The following RASGEF1C variants were observed in gnomAD, a reference collection of about 807,000 sequenced individuals.
RASGEF1C encodes ras-GEF domain-containing family member 1C.
RASGEF1C carries 27 observed loss-of-function variants against 58.1 expected under a neutral mutation model. The ratio of observed to expected loss-of-function variants is 0.46; its 90% CI spans 0.34 to 0.64. RASGEF1C has a LOEUF of 0.64. Ranked by LOEUF, RASGEF1C falls within the 30% of genes least tolerant of loss-of-function variation. RASGEF1C has a pLI of 0.01. For missense variants in RASGEF1C, 502 were observed against 605.1 expected (o/e 0.83, Z 1.79); for synonymous variants, 243 against 246.3 (o/e 0.99, Z 0.13).
intron 1 of RASGEF1C, among the ~76,000 whole-genome samples, chr5:180,190,825 G>A (rs912031436): frequency 3.3e-5 from 5 of 152,148 alleles, no homozygotes; most frequent in African/African-American, 1.2e-4. Context: ...AGTTGATGAA[G>A]TGGACTTAAT....
chr5:180,149,141 G>A (rs1487773041), intron 1 of RASGEF1C, among the ~76,000 whole-genome samples: 14 of 136,836 alleles, frequency 1.0e-4, no homozygotes, highest in Non-Finnish European at 1.8e-4. Context: ...AGGCTGGAGT[G>A]CAATGGCACA....
At chr5:180,102,004 C>T (rs79323422) in intron 13 of RASGEF1C, 67 bp downstream of exon 13, 107 of 810,662 alleles carry the variant, frequency 1.3e-4, no homozygotes, top group African/African-American at 9.2e-4. Flanking sequence ...CACCTCGGCG[C>T]GAAGACTCAC....
At chr5:180,135,023 C>G (rs893943988) in intron 4 of RASGEF1C, among the ~76,000 whole-genome samples, 1 of 137,820 alleles carries the variant, frequency 7.3e-6, no homozygotes, top group Non-Finnish European at 1.5e-5. Flanking sequence ...AGCCAGCACC[C>G]CATCCCGTTT....
chr5:180,204,008 A>AAACAACAAC (rs57771575), intron 1 of RASGEF1C, among the ~76,000 whole-genome samples: 5 of 140,842 alleles, frequency 3.6e-5, no homozygotes, highest in Non-Finnish European at 8.0e-5. Flanking sequence ...ACAAACAAAC[A>AAACAACAAC]AACAACAACA....
chr5:180,186,653 C>CT (rs1405313995), intron 1 of RASGEF1C, among the ~76,000 whole-genome samples: 39 of 152,062 alleles, frequency 2.6e-4, no homozygotes, highest in East Asian at 5.8e-4. Flanking sequence ...TTCCAACAGC[C>CT]TTTTTTTTCA....
At position 180,136,459 on chromosome 5, in the gene RASGEF1C, C is replaced by T; in HGVS notation, c.357G>A (p.Glu119=). Reference sequence around the variant, plus strand: ...CTTCCTGGAAGTCCCTTGGGAAGGTCTCGGTCCACTCGGCCAACAGCTGCA... The same window carrying T: ...CTTCCTGGAAGTCCCTTGGGAAGGTTTCGGTCCACTCGGCCAACAGCTGCA... The part of the protein sequence containing the change: ...KLLQLLAEWT[E]TFPRDFQEES... The change falls in exon 4 of 14, where the codon GAG becomes GAA. Residue 119 remains glutamate (E), a synonymous_variant. Transcript: ENST00000361132. 4.5e-6 allele frequency: 7 copies of T among 1,560,996 alleles called. No individual in the cohort carries two copies. The Middle Eastern group carries it at 1.2e-3, about 260-fold the overall frequency.
chr5:180,186,101 G>GAAAAAAAAAAAAAAAAAA lies in RASGEF1C; in HGVS notation c.-7+22909_-7+22926dup, dbSNP rs35778456. Among the ~76,000 whole-genome samples the GAAAAAAAAAAAAAAAAAA allele has an allele frequency of 2.5e-5, 2 of 81,174 alleles. 1 individual carries two copies. The highest frequency in any genetic ancestry group is 4.7e-5 in the Non-Finnish European group (2 of 42,738). The allele number at this position is 81,174 out of a possible 152,430, so 53.3% of individuals were successfully genotyped here. On this transcript the variant is annotated intron_variant, in intron 1 of 13. Coordinates refer to ENST00000361132, the MANE Select transcript of RASGEF1C (RefSeq NM_175062.4). Reference sequence around the variant, plus strand: ...GACAGAGCCAGGCCCTATCTCCACAGAAAAAAAAAAAAAAAAAAAAAAGAC... The same window carrying GAAAAAAAAAAAAAAAAAA: ...GACAGAGCCAGGCCCTATCTCCACAGAAAAAAAAAAAAAAAAAAAAAAAAAAAAAAAAAAAAAAAAGAC...
intron 10 of RASGEF1C, chr5:180,115,160 A>C (rs1053878967): frequency 2.8e-5 from 9 of 316,834 alleles, no homozygotes; most frequent in African/African-American, 4.4e-5. Flanking sequence ...GATTACAGGC[A>C]CCTGCTGCCA....
intron 11 of RASGEF1C, 73 bp downstream of exon 11, chr5:180,114,373 A>G (rs1438361385): frequency 6.9e-7 from 1 of 1,451,508 alleles, no homozygotes; most frequent in East Asian, 2.4e-5. Flanking sequence ...TGGGTGTCCA[A>G]GGGCCAGTGG....
chr5:180,133,357 A>G (rs971045768), intron 4 of RASGEF1C, among the ~76,000 whole-genome samples: 16 of 152,146 alleles, frequency 1.1e-4, no homozygotes, highest in African/African-American at 3.6e-4. Flanking sequence ...GGAAAGAGGA[A>G]GGTGCCACCT....
intron 12 of RASGEF1C, among the ~76,000 whole-genome samples, chr5:180,102,495 T>C (rs1159802709): frequency 6.6e-6 from 1 of 152,224 alleles, no homozygotes; most frequent in African/African-American, 2.4e-5. Context: ...TATCTCTTGC[T>C]TTTCCCTGCT....
At chr5:180,113,524 C>T (rs1183548477) in intron 11 of RASGEF1C, among the ~76,000 whole-genome samples, 8 of 61,146 alleles carry the variant, frequency 1.3e-4, no homozygotes, top group East Asian at 6.2e-4. Context: ...CGGGGATGGA[C>T]GGAGGGACCG....
chr5:180,165,230 C>T (rs1767000501), intron 1 of RASGEF1C, among the ~76,000 whole-genome samples: 1 of 152,030 alleles, frequency 6.6e-6, no homozygotes, highest in South Asian at 2.1e-4. Context: ...CAATTTCTGT[C>T]CTTTCATGGG....
intron 5 of RASGEF1C, 77 bp from the exon 6 acceptor site, chr5:180,127,760 G>A: frequency 7.4e-7 from 1 of 1,343,532 alleles, no homozygotes; most frequent in Non-Finnish European, 1.0e-6. Flanking sequence ...CTGCCGTGGT[G>A]CCCCAGCCCC....
chr5:180,169,431 C>CAACAGTGGTTGGTTGCTCT (rs1301392616), intron 1 of RASGEF1C, among the ~76,000 whole-genome samples: 1 of 152,106 alleles, frequency 6.6e-6, no homozygotes, highest in Non-Finnish European at 1.5e-5. Context: ...CTGGAAGCAG[C>CAACAGTGGTTGGTTGCTCT]GTTCACAAAT....
At chr5:180,194,543 C>T (rs1188858735) in intron 1 of RASGEF1C, among the ~76,000 whole-genome samples, 3 of 152,194 alleles carry the variant, frequency 2.0e-5, no homozygotes, top group African/African-American at 4.8e-5. Context: ...TTTTCAAATC[C>T]GCCTTGCGCA....
intron 1 of RASGEF1C, among the ~76,000 whole-genome samples, chr5:180,204,063 A>G (rs7716852): frequency 0.96 from 145,991 of 152,258 alleles, 70,278 homozygotes; most frequent in East Asian, 1. Flanking sequence ...AAAGTTATAC[A>G]TAGCTTTTTG....
At chr5:180,121,822 C>T (rs4700710) in intron 6 of RASGEF1C, among the ~76,000 whole-genome samples, 38,897 of 152,096 alleles carry the variant, frequency 0.26, 6,155 homozygotes, top group East Asian at 0.46. Context: ...TGAGCGTCCG[C>T]AAGCATCTCC....
At chr5:180,182,204 CAAAAAAAAA>C (rs1156831010) in intron 1 of RASGEF1C, among the ~76,000 whole-genome samples, 1 of 22,770 alleles carries the variant, frequency 4.4e-5, no homozygotes, top group Non-Finnish European at 8.0e-5. Flanking sequence ...GACTCCGTCT[CAAAAAAAAA>C]AAAAAAAAAA....
Sources: gnomAD v4.1 joint callset for allele counts (sites outside exome capture counted in the v4.1 genomes callset) on GRCh38, gnomAD v4.1.1 for gene constraint, MANE v1.5 for transcripts, NCBI Gene and HGNC (gene_info 2026-07-23, HGNC 2026-07-21) for gene names.